HDAC4: variants seen among roughly 807,000 people sequenced by gnomAD.
HDAC4 encodes histone deacetylase A.
HDAC4 carries 16 observed loss-of-function variants against 135.1 expected under a neutral mutation model. The ratio of observed to expected loss-of-function variants is 0.12; its 90% CI spans 0.08 to 0.18. The LOEUF is 0.18. HDAC4 is among the 10% of genes least tolerant of loss of function. The pLI is 1.00. For synonymous variants in HDAC4, 685 were observed against 653.4 expected (o/e 1.05, Z -0.74); for missense variants, 1,143 against 1,511.8 (o/e 0.76, Z 4.05).
intron 1 of HDAC4, among the ~76,000 whole-genome samples, chr2:239,370,229 C>T (rs896312375): frequency 9.2e-5 from 14 of 152,172 alleles, no homozygotes; most frequent in African/African-American, 2.4e-4. Context: ...CACCAACAAC[C>T]GTCAGAGAGT....
rs1177261875 is a variant in HDAC4, at chr2:239,124,986, C to CGTTATATGACATTCCAT, written c.1533+1453_1533+1469dup. Among the ~76,000 whole-genome samples the CGTTATATGACATTCCAT allele has an allele frequency of 2.7e-3, 402 of 150,408 alleles. 2 individuals are homozygous for CGTTATATGACATTCCAT. The highest frequency in any genetic ancestry group is 5.3e-3 in the Admixed American group (80 of 15,126). ...ATTCTGGTGTGCTGGCGTGTGGCCG[C>CGTTATATGACATTCCAT]GTTATATGACATTCCATGTTATGTG... On this transcript the variant is annotated intron_variant, in intron 12 of 26. Coordinates refer to ENST00000543185, the MANE Select transcript of HDAC4 (RefSeq NM_001378414.1).
At chr2:239,184,506 G>A (rs1349951346) in intron 4 of HDAC4, among the ~76,000 whole-genome samples, 2 of 148,070 alleles carry the variant, frequency 1.4e-5, no homozygotes, top group Non-Finnish European at 3.0e-5. Context: ...CTATGGGGGG[G>A]GGTCCCCCAG....
Position 239,137,049 on chromosome 2 carries a change from G to C in HDAC4, c.979-2406C>G, listed in dbSNP as rs559700411. ...AGGAAATGCTTGTGTTATCATTTGGGAACAAAATAAGGAGACGTTCTAATG... is the reference window on the plus strand; with the variant it reads ...AGGAAATGCTTGTGTTATCATTTGGCAACAAAATAAGGAGACGTTCTAATG... On this transcript the variant is annotated intron_variant, in intron 9 of 26. Transcript: ENST00000543185. Among the ~76,000 whole-genome samples the C allele has an allele frequency of 2.9e-4, 44 of 152,178 alleles. 1 individual carries two copies. Among genetic ancestry groups the C allele is most frequent in the African/African-American group, 9.9e-4 (41 of 41,434 alleles).
chr2:239,349,837 G>A lies in HDAC4; in HGVS notation c.22+2841C>T, dbSNP rs1440575783. Reference sequence around the variant, plus strand: ...CTCAGCTGTACCCCCTGCACAGATGGAGAGCAGAGAATGGGCTGGGCCAAG... The same window carrying A: ...CTCAGCTGTACCCCCTGCACAGATGAAGAGCAGAGAATGGGCTGGGCCAAG... On this transcript the variant is annotated intron_variant, in intron 2 of 26. Coordinates refer to ENST00000543185, the MANE Select transcript of HDAC4 (RefSeq NM_001378414.1). This position sits in a 1 kb window ranked among gnomAD's most constrained non-coding sequence, Gnocchi z 5.7. Among the ~76,000 whole-genome samples, 3 of 152,226 alleles carry A rather than the reference G, an allele frequency of 2.0e-5. No homozygotes were observed. Among genetic ancestry groups the A allele is most frequent in the African/African-American group, 7.2e-5 (3 of 41,462 alleles).
chr2:239,346,362 T>A (rs984852355), intron 2 of HDAC4, among the ~76,000 whole-genome samples: 1 of 141,572 alleles, frequency 7.1e-6, no homozygotes, highest in African/African-American at 2.7e-5. Flanking sequence ...CATACACACA[T>A]CTTAACACAC....
chr2:239,389,937 G>C (rs1309885074), intron 1 of HDAC4, among the ~76,000 whole-genome samples: 1 of 152,224 alleles, frequency 6.6e-6, no homozygotes, highest in Non-Finnish European at 1.5e-5. Flanking sequence ...CCGAAGGAGA[G>C]TGAATCCAAG....
rs150083875 is a variant in HDAC4, at chr2:239,081,697, G to A, written c.2652+405C>T. Among the ~76,000 whole-genome samples the A allele has an allele frequency of 3.7e-3, 558 of 152,314 alleles. 5 individuals carry two copies. The highest frequency in any genetic ancestry group is 0.012 in the African/African-American group (518 of 41,572). ...GGACCTGGGGCGTTGTCAAGGAGCC[G>A]CTGGGCCTGCCGTTCCTGGGGCCGC... is the stretch of plus-strand genomic sequence containing the variant. On this transcript the variant is annotated intron_variant, in intron 21 of 26. Coordinates refer to ENST00000543185, the MANE Select transcript of HDAC4 (RefSeq NM_001378414.1).
intron 7 of HDAC4, among the ~76,000 whole-genome samples, chr2:239,151,368 GC>G (rs2042108519): frequency 6.6e-6 from 1 of 152,216 alleles, no homozygotes; most frequent in African/African-American, 2.4e-5. Flanking sequence ...CGCCAGCCTG[GC>G]CACAGGCCCT....
intron 1 of HDAC4, among the ~76,000 whole-genome samples, chr2:239,391,000 G>A (rs13396737): frequency 0.016 from 2,450 of 152,350 alleles, 69 homozygotes; most frequent in African/African-American, 0.056. Context: ...ACACTGGGAA[G>A]CATGACAGAC....
At chr2:239,095,515 A>T (rs2036937275) in intron 16 of HDAC4, among the ~76,000 whole-genome samples, 1 of 152,134 alleles carries the variant, frequency 6.6e-6, no homozygotes, top group Non-Finnish European at 1.5e-5. Flanking sequence ...TCCCGGGATT[A>T]AACATGGGTC....
At chr2:239,339,193 C>T (rs946443028) in intron 2 of HDAC4, among the ~76,000 whole-genome samples, 1 of 152,232 alleles carries the variant, frequency 6.6e-6, no homozygotes, top group Non-Finnish European at 1.5e-5. Context: ...CTGCCCTCCC[C>T]TTCTGTCATA....
At chr2:239,291,601 C>T (rs2051504051) in intron 2 of HDAC4, among the ~76,000 whole-genome samples, 1 of 152,250 alleles carries the variant, frequency 6.6e-6, no homozygotes, top group Non-Finnish European at 1.5e-5. Context: ...AGCCAGCCTG[C>T]TGCTCAGGCC....
chr2:239,389,302 C>A (rs1696039020), intron 1 of HDAC4, among the ~76,000 whole-genome samples: 1 of 152,032 alleles, frequency 6.6e-6, no homozygotes, highest in Admixed American at 6.5e-5. Context: ...CTTTCGATCT[C>A]CACAATAAAT....
At chr2:239,298,863 A>ATTTTTTTTTTT (rs35449811) in intron 2 of HDAC4, among the ~76,000 whole-genome samples, 1 of 82,980 alleles carries the variant, frequency 1.2e-5, no homozygotes, top group Non-Finnish European at 2.2e-5. Flanking sequence ...GCCATAGCCT[A>ATTTTTTTTTTT]TTTTTTTTTT....
intron 1 of HDAC4, among the ~76,000 whole-genome samples, chr2:239,395,548 G>A (rs1696501632): frequency 6.6e-6 from 1 of 152,178 alleles, no homozygotes. Context: ...AATTACTACT[G>A]TAAAAAAGTA....
intron 22 of HDAC4, 63 bp downstream of exon 22, chr2:239,081,032 C>T: frequency 7.8e-7 from 1 of 1,286,496 alleles, no homozygotes; most frequent in South Asian, 1.2e-5. Flanking sequence ...CAAGTGCTTC[C>T]TGGAATGTGT....
In HDAC4 at chr2:239,285,271, G is replaced by T. The variant is rs1426950966; in HGVS notation, c.23-48607C>A. On this transcript the variant is annotated intron_variant, in intron 2 of 26. Coordinates refer to ENST00000543185, the MANE Select transcript of HDAC4 (RefSeq NM_001378414.1). The surrounding 1 kb of genome is among the most constrained non-coding windows in gnomAD (Gnocchi z 4.5). The stretch of plus-strand genomic sequence containing the variant: ...GGAGGAACACAGCCATGCTGGGGGT[G>T]GGAGGGGCAGATCCCTGCTGGGAGT... Among the ~76,000 whole-genome samples the T allele has an allele frequency of 2.0e-5, 3 of 152,240 alleles. No homozygotes were observed. The highest frequency in any genetic ancestry group is 4.4e-5 in the Non-Finnish European group (3 of 68,046).
At chr2:239,275,221 G>A (rs1003188109) in intron 2 of HDAC4, among the ~76,000 whole-genome samples, 6 of 152,256 alleles carry the variant, frequency 3.9e-5, no homozygotes, top group Non-Finnish European at 8.8e-5. Context: ...ACCAGGCCGC[G>A]CAGGCTGGCC....
chr2:239,269,929 T>C (rs1045888892), intron 2 of HDAC4, among the ~76,000 whole-genome samples: 12 of 152,322 alleles, frequency 7.9e-5, no homozygotes, highest in Admixed American at 2.6e-4. Flanking sequence ...TTGCACATTA[T>C]CATGTGTCAG....
Sources: allele counts gnomAD v4.1 joint callset (sites outside exome capture counted in the v4.1 genomes callset), GRCh38; gene constraint gnomAD v4.1.1; non-coding constraint Gnocchi (gnomAD v3.1); transcripts MANE v1.5; gene names NCBI Gene and HGNC (gene_info 2026-07-23, HGNC 2026-07-21).